The following SUGCT variants were observed in gnomAD, a reference collection of about 807,000 sequenced individuals.
The protein encoded by SUGCT is succinyl-CoA:glutarate CoA-transferase.
In SUGCT, 41 loss-of-function variants were observed where a neutral mutation model predicts 55.0. The observed-to-expected ratio is 0.74, with a 90% CI of 0.58 to 0.97. SUGCT has a LOEUF of 0.97. Among genes scored for constraint, SUGCT ranks in the 50% least tolerant of loss-of-function variants. The pLI, the probability that SUGCT is intolerant of heterozygous loss-of-function variation, is 0.00. For missense variants in SUGCT, 568 were observed against 547.8 expected, an observed-to-expected ratio of 1.04 and a Z score of -0.37; for synonymous variants, 187 against 200.4, an observed-to-expected ratio of 0.93 and a Z score of 0.56.
intron 1 of SUGCT, among the ~76,000 whole-genome samples, chr7:40,161,989 C>CGG (rs1784179027): frequency 6.6e-6 from 1 of 151,714 alleles, no homozygotes; most frequent in Non-Finnish European, 1.5e-5. Context: ...CTCCGCCTCC[C>CGG]GGGTTCAAGC....
intron 1 of SUGCT, among the ~76,000 whole-genome samples, chr7:40,137,536 A>G (rs1264154075): frequency 6.6e-6 from 1 of 152,236 alleles, no homozygotes; most frequent in Non-Finnish European, 1.5e-5. Context: ...CAATCTAACT[A>G]AAGTTCACTA....
intron 8 of SUGCT, among the ~76,000 whole-genome samples, chr7:40,281,200 T>C (rs1348038769): frequency 6.6e-6 from 1 of 151,686 alleles, no homozygotes; most frequent in East Asian, 1.9e-4. Flanking sequence ...TGTGCATAAT[T>C]GATAGATCAG....
chr7:40,907,124 TGTGTGTGTGTGTGTGTGAGAGAGA>T, the SUGCT span, among the ~76,000 whole-genome samples: 3 of 76,884 alleles, frequency 3.9e-5, no homozygotes, highest in African/African-American at 1.5e-4. Flanking sequence ...TGTGTGTGTG[TGTGTGTGTGTGTGTGTGAGAGAGA>T]GAGAGAGAGA....
chr7:40,587,595 A>G (rs1393099999), intron 12 of SUGCT, among the ~76,000 whole-genome samples: 1 of 152,280 alleles, frequency 6.6e-6, no homozygotes, highest in East Asian at 1.9e-4. Flanking sequence ...TTTAGTGTTT[A>G]TTTGTCATTG....
At chr7:40,976,738 G>A in the SUGCT span, among the ~76,000 whole-genome samples, 3 of 152,202 alleles carry the variant, frequency 2.0e-5, no homozygotes, top group African/African-American at 4.8e-5. Context: ...TGCAGTGCAT[G>A]TGACTGGAGA....
chr7:40,460,819 A>G (rs957879695), intron 11 of SUGCT, among the ~76,000 whole-genome samples: 5 of 152,190 alleles, frequency 3.3e-5, no homozygotes, highest in Admixed American at 6.5e-5. Context: ...TAGAAGTTTC[A>G]GCATTTTGGT....
chr7:40,279,698 A>G (rs1417920040), intron 8 of SUGCT, among the ~76,000 whole-genome samples: 1 of 152,152 alleles, frequency 6.6e-6, no homozygotes, highest in East Asian at 1.9e-4. Context: ...ACCTTGACTG[A>G]CTTCAATTTG....
chr7:40,565,532 C>A (rs1796081970), intron 12 of SUGCT, among the ~76,000 whole-genome samples: 1 of 152,104 alleles, frequency 6.6e-6, no homozygotes, highest in South Asian at 2.1e-4. Flanking sequence ...GTATTGTTTT[C>A]AGCATTGTGC....
chr7:40,370,237 A>G (rs748725252), intron 9 of SUGCT, among the ~76,000 whole-genome samples: 2 of 152,204 alleles, frequency 1.3e-5, no homozygotes, highest in African/African-American at 2.4e-5. Context: ...AAGAACGCCT[A>G]GAAAAGATAG....
At chr7:40,392,790 A>C (rs1785516176) in intron 9 of SUGCT, among the ~76,000 whole-genome samples, 1 of 152,224 alleles carries the variant, frequency 6.6e-6, no homozygotes, top group Non-Finnish European at 1.5e-5. Context: ...GGATTAAGTC[A>C]GTGGTAGCAA....
At chr7:40,481,456 T>A (rs958926013) in intron 11 of SUGCT, among the ~76,000 whole-genome samples, 1 of 151,836 alleles carries the variant, frequency 6.6e-6, no homozygotes, top group African/African-American at 2.4e-5. Flanking sequence ...AATTGTGGGA[T>A]ATTCTAATTT....
the SUGCT span, among the ~76,000 whole-genome samples, chr7:40,897,101 C>A: frequency 6.6e-6 from 1 of 152,104 alleles, no homozygotes; most frequent in African/African-American, 2.4e-5. Flanking sequence ...GAACACACAA[C>A]GGGGAAAAGA....
chr7:41,002,887 T>C, the SUGCT span, among the ~76,000 whole-genome samples: 1 of 152,052 alleles, frequency 6.6e-6, no homozygotes, highest in Non-Finnish European at 1.5e-5. Context: ...ACCACATAAT[T>C]CACGCCTTAT....
At chr7:40,544,586 C>G (rs1461016189) in intron 12 of SUGCT, among the ~76,000 whole-genome samples, 1 of 152,104 alleles carries the variant, frequency 6.6e-6, no homozygotes, top group Admixed American at 6.5e-5. Context: ...TGTAAACAGT[C>G]TCATTTAATT....
intron 9 of SUGCT, among the ~76,000 whole-genome samples, chr7:40,376,399 T>G (rs959295820): frequency 6.6e-6 from 1 of 151,130 alleles, no homozygotes; most frequent in Non-Finnish European, 1.5e-5. Flanking sequence ...TTTTTTTTCT[T>G]TTTTTTTTGA....
At chr7:40,534,236 G>T (rs959001917) in intron 12 of SUGCT, among the ~76,000 whole-genome samples, 10 of 152,112 alleles carry the variant, frequency 6.6e-5, no homozygotes, top group African/African-American at 2.4e-4. Flanking sequence ...TGTTTTTGTG[G>T]TGTGCTATTA....
At chr7:40,903,905 A>T in the SUGCT span, among the ~76,000 whole-genome samples, 1 of 152,140 alleles carries the variant, frequency 6.6e-6, no homozygotes, top group South Asian at 2.1e-4. Context: ...AGTAGCCATG[A>T]ACCCAACAGC....
the SUGCT span, among the ~76,000 whole-genome samples, chr7:40,913,165 C>A: frequency 2.0e-5 from 3 of 152,054 alleles, no homozygotes; most frequent in Non-Finnish European, 2.9e-5. Context: ...CGTGTGCCAC[C>A]ACGCCCAGCT....
At chr7:40,779,505 A>G (rs1286569676) in intron 13 of SUGCT, among the ~76,000 whole-genome samples, 1 of 152,168 alleles carries the variant, frequency 6.6e-6, no homozygotes, top group Non-Finnish European at 1.5e-5. Flanking sequence ...TTATACAGAC[A>G]CTGCTAAGAG....
Sources: allele counts gnomAD v4.1 joint callset (sites outside exome capture counted in the v4.1 genomes callset), GRCh38; gene constraint gnomAD v4.1.1; transcripts MANE v1.5; gene names NCBI Gene and HGNC (gene_info 2026-07-23, HGNC 2026-07-21).